PRKG1: variants seen among roughly 807,000 people sequenced by gnomAD.
PRKG1 encodes the protein protein kinase cGMP-dependent 1.
In PRKG1, 35 loss-of-function variants were observed where a neutral mutation model predicts 88.1. The observed-to-expected ratio is 0.40, with a 90% CI of 0.30 to 0.53. PRKG1 has a LOEUF of 0.53. Ranked by LOEUF, PRKG1 falls within the 20% of genes least tolerant of loss-of-function variation. The pLI is 0.59. For missense variants in PRKG1, 540 were observed against 839.8 expected (o/e 0.64, Z 4.41); for synonymous variants, 303 against 292.5 (o/e 1.04, Z -0.37).
chr10:51,716,037 C>A lies in PRKG1; in HGVS notation c.593-88548C>A, dbSNP rs534468147. Among the ~76,000 whole-genome samples the A allele has an allele frequency of 1.5e-3, 229 of 152,328 alleles. 1 individual carries two copies. The highest frequency in any genetic ancestry group is 5.3e-3 in the African/African-American group (221 of 41,564). ...GGCTTCTTGCTATGTGGATGTCAAG[C>A]ATCATAATGGTTCCATATTCTTTGC... On this transcript the variant is annotated intron_variant, in intron 3 of 17. Coordinates refer to ENST00000373980, the MANE Select transcript of PRKG1 (RefSeq NM_006258.4).
intron 2 of PRKG1, among the ~76,000 whole-genome samples, chr10:51,368,030 C>T (rs1842625295): frequency 6.6e-6 from 1 of 151,966 alleles, no homozygotes; most frequent in Non-Finnish European, 1.5e-5. Context: ...GTCCCAACTC[C>T]TCCTCTTCCC....
rs114444111 is a variant in PRKG1, at chr10:52,084,546, T to G, written c.935+21915T>G. ...TTTGCTACATTTGTTTCATCTTCTC[T>G]TTCTCTAATATATTGATATAAACAT... On this transcript the variant is annotated intron_variant, in intron 7 of 17. Coordinates refer to ENST00000373980, the MANE Select transcript of PRKG1 (RefSeq NM_006258.4). Among the ~76,000 whole-genome samples the G allele has an allele frequency of 2.6e-3, 401 of 152,230 alleles. 3 individuals carry two copies. Among genetic ancestry groups the G allele is most frequent in the African/African-American group, 9.0e-3 (375 of 41,562 alleles).
chr10:51,038,126 C>T (rs929970302), intron 1 of PRKG1, among the ~76,000 whole-genome samples: 2 of 148,908 alleles, frequency 1.3e-5, no homozygotes, highest in Non-Finnish European at 3.0e-5. Flanking sequence ...CAGGCCTTAA[C>T]AAAAATGTGT....
chr10:52,141,301 G>A (rs182750168), intron 8 of PRKG1, among the ~76,000 whole-genome samples: 503 of 152,226 alleles, frequency 3.3e-3, no homozygotes, highest in South Asian at 5.4e-3. Context: ...ATTCTCATTC[G>A]AAAAGGAGTA....
intron 3 of PRKG1, chr10:51,698,103 T>C: frequency 2.5e-6 from 4 of 1,614,120 alleles, no homozygotes; most frequent in Non-Finnish European, 3.4e-6. Flanking sequence ...CCTGCCCCTA[T>C]ATTAATGGGA....
chr10:51,469,687 T>A (rs1295727582), intron 3 of PRKG1, among the ~76,000 whole-genome samples: 1 of 151,828 alleles, frequency 6.6e-6, no homozygotes, highest in African/African-American at 2.4e-5. Flanking sequence ...GGTCAGAACA[T>A]CCATCTTCAA....
At chr10:51,577,533 AT>A (rs763926787) in intron 3 of PRKG1, among the ~76,000 whole-genome samples, 26 of 152,054 alleles carry the variant, frequency 1.7e-4, no homozygotes, top group Non-Finnish European at 3.5e-4. Context: ...TAGGCACAGT[AT>A]TGAAATTGCA....
intron 1 of PRKG1, among the ~76,000 whole-genome samples, chr10:51,144,841 A>G (rs772074736): frequency 3.4e-4 from 52 of 152,164 alleles, no homozygotes; most frequent in Non-Finnish European, 5.4e-4. Context: ...AATTAAGTGA[A>G]TTGAGTAAAG....
chr10:52,063,240 G>A (rs928218875), intron 7 of PRKG1, among the ~76,000 whole-genome samples: 3 of 152,232 alleles, frequency 2.0e-5, no homozygotes, highest in African/African-American at 7.2e-5. Flanking sequence ...TCTGGCCACT[G>A]CACAGGCAAA....
intron 2 of PRKG1, among the ~76,000 whole-genome samples, chr10:51,455,104 C>T (rs1407806011): frequency 6.6e-6 from 1 of 152,244 alleles, no homozygotes; most frequent in Non-Finnish European, 1.5e-5. Context: ...TGTGCATCCA[C>T]AGACTCAACA....
At chr10:52,078,775 A>G (rs1254827651) in intron 7 of PRKG1, among the ~76,000 whole-genome samples, 2 of 152,248 alleles carry the variant, frequency 1.3e-5, no homozygotes, top group Non-Finnish European at 2.9e-5. Context: ...TCCTTCTAGC[A>G]GTGTCTAAAT....
intron 5 of PRKG1, among the ~76,000 whole-genome samples, chr10:52,011,172 G>C (rs921273487): frequency 3.9e-5 from 6 of 152,178 alleles, no homozygotes; most frequent in African/African-American, 1.4e-4. Context: ...CAGCCTGAAG[G>C]AAAATTTCAC....
At chr10:51,527,299 A>T (rs1044198159) in intron 3 of PRKG1, among the ~76,000 whole-genome samples, 2 of 152,076 alleles carry the variant, frequency 1.3e-5, no homozygotes, top group Non-Finnish European at 2.9e-5. Flanking sequence ...AATAACATAG[A>T]TATTATGCAG....
chr10:52,030,781 C>G (rs1418609079), intron 5 of PRKG1, among the ~76,000 whole-genome samples: 2 of 151,926 alleles, frequency 1.3e-5, no homozygotes, highest in African/African-American at 4.8e-5. Flanking sequence ...GTTAAATGCA[C>G]CCATAAGATG....
intron 3 of PRKG1, among the ~76,000 whole-genome samples, chr10:51,673,741 C>T (rs1840641185): frequency 6.6e-6 from 1 of 152,076 alleles, no homozygotes; most frequent in African/African-American, 2.4e-5. Flanking sequence ...TGTATTTATT[C>T]AATTTATATC....
chr10:51,024,436 A>G (rs1037980982), intron 1 of PRKG1, among the ~76,000 whole-genome samples: 9 of 152,180 alleles, frequency 5.9e-5, no homozygotes, highest in African/African-American at 1.7e-4. Flanking sequence ...GCTTGTACTA[A>G]GTTCTACGTA....
intron 4 of PRKG1, among the ~76,000 whole-genome samples, chr10:51,831,900 A>AT: frequency 6.6e-6 from 1 of 151,974 alleles, no homozygotes; most frequent in South Asian, 2.1e-4. Context: ...GAAACTATCA[A>AT]TTTTTTGGTA....
chr10:51,377,791 C>T (rs1429922778), intron 2 of PRKG1, among the ~76,000 whole-genome samples: 1 of 152,228 alleles, frequency 6.6e-6, no homozygotes, highest in Non-Finnish European at 1.5e-5. Flanking sequence ...AAGGACCGCA[C>T]ATTCCCCAAG....
chr10:51,611,103 C>G (rs1040955532), intron 3 of PRKG1, among the ~76,000 whole-genome samples: 1 of 151,296 alleles, frequency 6.6e-6, no homozygotes, highest in Non-Finnish European at 1.5e-5. Flanking sequence ...TTATGTGTGC[C>G]TTTGATATAT....
Sources: allele counts gnomAD v4.1 joint callset (sites outside exome capture counted in the v4.1 genomes callset), GRCh38; gene constraint gnomAD v4.1.1; transcripts MANE v1.5; gene names NCBI Gene and HGNC (gene_info 2026-07-23, HGNC 2026-07-21).